Variants in CFAP65 observed in about 807,000 individuals in gnomAD.
CFAP65 encodes cilia and flagella associated protein 65.
A neutral mutation model predicts 208.0 loss-of-function variants in CFAP65; 155 were observed. The ratio of observed to expected loss-of-function variants is 0.75; its 90% CI spans 0.65 to 0.85. The LOEUF (loss-of-function observed/expected upper bound fraction) is 0.85. Ranked by LOEUF, CFAP65 falls within the 40% of genes least tolerant of loss-of-function variation. The pLI is 0.00. For missense variants in CFAP65, 2,294 were observed against 2,451.3 expected (o/e 0.94, Z 1.36); for synonymous variants, 970 against 986.3 (o/e 0.98, Z 0.31).
intron 19 of CFAP65, 68 bp from the exon 20 acceptor site, chr2:219,019,787 C>A: frequency 7.2e-7 from 1 of 1,381,682 alleles, no homozygotes; most frequent in Non-Finnish European, 1.0e-6. Flanking sequence ...GGCATGCAGG[C>A]CAAAGGTGCA....
chr2:219,035,396 TG>T (rs763427146), intron 5 of CFAP65, 83 bp downstream of exon 5: 2 of 1,611,630 alleles, frequency 1.2e-6, no homozygotes, highest in Admixed American at 1.7e-5. Context: ...AGGTTTTTTT[TG>T]TTTGTTTTGT....
chr2:219,032,394 G>T lies in CFAP65; in HGVS notation c.645+76C>A. ...TGTGTGTGCCGGGGCGCTCCTGGTT[G>T]CTCTGTCCTGTTTTCTGTTCTGAGG... is the stretch of plus-strand genomic sequence containing the variant. On this transcript the variant is annotated intron_variant, in intron 6 of 34. Coordinates refer to ENST00000341552, the MANE Select transcript of CFAP65 (RefSeq NM_194302.4). This position sits in a 1 kb window ranked among gnomAD's most constrained non-coding sequence, Gnocchi z 5.5. 1.5e-6 allele frequency: 2 copies of T among 1,333,462 alleles called. No homozygotes were observed. The highest frequency in any genetic ancestry group is 2.1e-6 in the Non-Finnish European group (2 of 966,770). The allele number at this position is 1,333,462 out of a possible 1,614,324, so 82.6% of individuals were successfully genotyped here.
intron 5 of CFAP65, 34 bp downstream of exon 5, chr2:219,035,446 G>A (rs886505643): frequency 6.2e-7 from 1 of 1,614,144 alleles, no homozygotes; most frequent in Non-Finnish European, 8.5e-7. Flanking sequence ...GCTCAAGGCT[G>A]TGGCACTGGG....
intron 19 of CFAP65, among the ~76,000 whole-genome samples, chr2:219,020,900 G>A (rs1947222719): frequency 6.6e-6 from 1 of 152,246 alleles, no homozygotes; most frequent in South Asian, 2.1e-4. Context: ...AGCGAGGCTT[G>A]GGGGCTAAGA....
rs61748323 is a variant in CFAP65 at position 219,027,967 on chromosome 2, G to C, written c.1894C>G (p.Pro632Ala). The change falls in exon 13 of 35, where the codon CCC becomes GCC. Residue 632 changes from proline to alanine, a missense_variant. By Grantham distance (27) the Pro-to-Ala change is conservative. This residue lies in a region of CFAP65 where 867 missense variants were observed against 1,012.6 expected (regional missense o/e 0.86). Coordinates refer to ENST00000341552, the MANE Select transcript of CFAP65 (RefSeq NM_194302.4). Reference protein sequence around the residue: ...MPAPQYPYIPPMTEFFFDGTS... With the variant: ...MPAPQYPYIPAMTEFFFDGTS... ...CCGTCGAAGAAGAACTCGGTCATGG[G>C]GGGGATATAAGGGTACTGCGGGGCC... The C allele has an allele frequency of 5.5e-4, 833 of 1,520,404 alleles. 3 individuals carry two copies. The highest frequency in any genetic ancestry group is 3.2e-3 in the African/African-American group (231 of 71,984). 94.2% of individuals were successfully genotyped at this position (1,520,404 alleles called of 1,614,324 possible).
At position 219,038,387 on chromosome 2, in the gene CFAP65, G is replaced by GGTGCT; in HGVS notation, c.340_344dup (p.Ile116AlafsTer24). The GGTGCT allele has an allele frequency of 2.5e-6, 4 of 1,613,062 alleles. No individual in the cohort carries two copies. The highest frequency in any genetic ancestry group is 3.4e-6 in the Non-Finnish European group (4 of 1,179,964). The stretch of plus-strand genomic sequence containing the variant: ...GCTGTATCCTTACCTGGGCGCTGAT[G>GGTGCT]GTGCTGCAGGCACTCATGGCTGCAC... On this transcript the variant is annotated frameshift_variant, in exon 4 of 35. Transcript: ENST00000341552. LOFTEE classifies it high-confidence loss of function.
At chr2:219,022,421 A>ACGTT in intron 16 of CFAP65, 92 bp from the exon 17 acceptor site, 1 of 1,414,038 alleles carries the variant, frequency 7.1e-7, no homozygotes, top group Admixed American at 2.0e-5. Flanking sequence ...GCGTCATGCT[A>ACGTT]CGTTAGCCCT....
Position 219,010,621 on chromosome 2 carries a change from C to G in CFAP65, c.4233G>C (p.Gly1411=). 6.2e-7 allele frequency: 1 copy of G among 1,612,014 alleles called. No homozygotes were observed. Among genetic ancestry groups the G allele is most frequent in the Non-Finnish European group, 8.5e-7 (1 of 1,179,626 alleles). ...QGVGYNPHMM[G]DTAPFHNISS... ...AGATGTTGTGGAATGGGGCTGTGTC[C>G]CCCATCATATGGGGGTTGTAGCCCA... Residue 1411 remains glycine (G), a synonymous_variant, in exon 26 of 35, where the codon GGG becomes GGC. Transcript: ENST00000341552.
rs751171535 is a variant in CFAP65 at position 219,013,575 on chromosome 2, T to A, written c.3790A>T (p.Ile1264Phe). The change falls in exon 23 of 35, where the codon ATC (isoleucine) becomes TTC (phenylalanine). Residue 1264 changes from isoleucine to phenylalanine, a missense_variant. By Grantham distance (21) the Ile-to-Phe change is conservative (BLOSUM62 0). Transcript: ENST00000341552. ...AGCACTGGGAGGTGATCAGTACCGA[T>A]GAACAGGTGGCTAGAAAGAAACAGA... ...MVELKYSHLF[I>F]GTDHLPVLFK... The A allele has an allele frequency of 5.6e-6, 9 of 1,599,558 alleles. No individual in the cohort carries two copies. Among genetic ancestry groups the A allele is most frequent in the Non-Finnish European group, 7.7e-6 (9 of 1,174,664 alleles).
intron 29 of CFAP65, among the ~76,000 whole-genome samples, chr2:219,006,870 G>T (rs977326372): frequency 6.7e-6 from 1 of 149,398 alleles, no homozygotes; most frequent in African/African-American, 2.5e-5. Context: ...AGAGGCTAAA[G>T]AGACTCCCCC....
intron 2 of CFAP65, 67 bp from the exon 3 acceptor site, chr2:219,039,117 G>C (rs1251103607): frequency 7.3e-7 from 1 of 1,375,386 alleles, no homozygotes; most frequent in Admixed American, 2.2e-5. Flanking sequence ...GATGACTGTA[G>C]CTGAAATCAT....
intron 21 of CFAP65, among the ~76,000 whole-genome samples, chr2:219,017,758 C>T (rs758551527): frequency 1.3e-5 from 2 of 152,242 alleles, no homozygotes; most frequent in Non-Finnish European, 2.9e-5. Flanking sequence ...CAGGCCAACA[C>T]CGCTTTTTCT....
Position 219,026,151 on chromosome 2 carries a change from C to T in CFAP65, c.2220G>A (p.Gln740=). The T allele has an allele frequency of 6.2e-7, 1 of 1,610,654 alleles. No homozygotes were observed. Among genetic ancestry groups the T allele is most frequent in the Non-Finnish European group, 8.5e-7 (1 of 1,177,394 alleles). ...LEAFAIYKVL[Q]SYSNIEEDCT... Reference sequence around the variant, plus strand: ...AGTCCTCCTCAATATTACTGTAGCTCTGCAGGACCTGCAGAGGGGCCAGAC... The same window carrying T: ...AGTCCTCCTCAATATTACTGTAGCTTTGCAGGACCTGCAGAGGGGCCAGAC... The change falls in exon 14 of 35, where the codon CAG becomes CAA. Residue 740 remains glutamine (Q), a synonymous_variant. Coordinates refer to ENST00000341552, the MANE Select transcript of CFAP65 (RefSeq NM_194302.4).
Position 219,019,712 on chromosome 2 carries a change from C to T in CFAP65, c.3267G>A (p.Lys1089=), listed in dbSNP as rs1398613343. 1 of 1,612,968 alleles carries T rather than the reference C, an allele frequency of 6.2e-7. No individual in the cohort carries two copies. Among genetic ancestry groups the T allele is most frequent in the Non-Finnish European group, 8.5e-7 (1 of 1,179,846 alleles). Residue 1089 remains lysine (K), a synonymous_variant, in exon 20 of 35, where the codon AAG becomes AAA. Transcript: ENST00000341552. ...AGCACAGCTCCTGCTTCTCCCCAGC[C>T]TTGTTATCTGGGGAGGGGGGTGAGG... ...TYSLLSHRDN[K]AGEKQELCCV...
At position 219,038,025 on chromosome 2, in the gene CFAP65, G is replaced by C. The variant is rs556197899; in HGVS notation, c.357+350C>G. ...TGGCTATCCAACCAGCCTCTGACTC[G>C]TTCCTCCCTGGCACTCTCCTACCCC... is the stretch of plus-strand genomic sequence containing the variant. On this transcript the variant is annotated intron_variant, in intron 4 of 34. Coordinates refer to ENST00000341552, the MANE Select transcript of CFAP65 (RefSeq NM_194302.4). Among the ~76,000 whole-genome samples the C allele has an allele frequency of 5.9e-5, 9 of 152,252 alleles. No individual in the cohort carries two copies. The South Asian group carries it at 1.7e-3, about 28-fold the overall frequency.
chr2:219,011,277 T>C (rs1274010347), intron 24 of CFAP65, among the ~76,000 whole-genome samples: 9 of 138,584 alleles, frequency 6.5e-5, no homozygotes, highest in Non-Finnish European at 1.2e-4. Context: ...TTTCTTTTTT[T>C]TTTTTTTTTT....
rs1250434823 is a variant in CFAP65, at chr2:219,030,744, G to A, written c.1106C>T (p.Ser369Phe). Residue 369 changes from serine (S) to phenylalanine (F), a missense_variant, in exon 9 of 35, where the codon TCT becomes TTT. Transcript: ENST00000341552. ...EGFQKLLYFG[S>F]VAVGCTSERQ... ...CTCCGAGGTGCAGCCCACAGCAACAGAGCCAAAGTACAACAGCTTCTGGAA... is the reference window on the plus strand; with the variant it reads ...CTCCGAGGTGCAGCCCACAGCAACAAAGCCAAAGTACAACAGCTTCTGGAA... The A allele has an allele frequency of 6.2e-7, 1 of 1,614,192 alleles. No individual in the cohort carries two copies. Among genetic ancestry groups the A allele is most frequent in the South Asian group, 1.1e-5 (1 of 91,090 alleles).
intron 30 of CFAP65, 50 bp downstream of exon 30, chr2:219,006,415 G>T: frequency 6.2e-7 from 1 of 1,604,264 alleles, no homozygotes; most frequent in South Asian, 1.1e-5. Flanking sequence ...AGCAAGCAAG[G>T]ACCCTCCCAA....
chr2:219,005,635 G>A (rs1353403399), intron 31 of CFAP65, 73 bp from the exon 32 acceptor site: 4 of 1,572,096 alleles, frequency 2.5e-6, no homozygotes, highest in East Asian at 4.5e-5. Context: ...AGCAGTGGTG[G>A]TAGCTGCCCA....
Sources: allele counts gnomAD v4.1 joint callset (sites outside exome capture counted in the v4.1 genomes callset), GRCh38; gene constraint gnomAD v4.1.1; regional missense constraint gnomAD v4.1.1; non-coding constraint Gnocchi (gnomAD v3.1); transcripts MANE v1.5; gene names NCBI Gene and HGNC (gene_info 2026-07-23, HGNC 2026-07-21).